Variants in MYRF observed in about 807,000 individuals in gnomAD.
MYRF encodes myelin regulatory factor.
A neutral mutation model predicts 126.3 loss-of-function variants in MYRF; 16 were observed. The observed-to-expected ratio is 0.13, with a 90% confidence interval of 0.09 to 0.19. The LOEUF (loss-of-function observed/expected upper bound fraction) is 0.19, where lower values mean the gene tolerates loss of function less well. Among genes scored for constraint, MYRF ranks in the 10% least tolerant of loss-of-function variants. MYRF has a pLI of 1.00. For synonymous variants in MYRF, 608 were observed against 635.3 expected (o/e 0.96, Z 0.65); for missense variants, 1,104 against 1,547.0 (o/e 0.71, Z 4.80).
chr11:61,784,285 C>T lies in MYRF; in HGVS notation c.3200C>T (p.Ser1067Phe). The T allele has an allele frequency of 1.2e-6, 2 of 1,613,820 alleles. No homozygotes were observed. The highest frequency in any genetic ancestry group is 1.7e-6 in the Non-Finnish European group (2 of 1,179,942). The change falls in exon 25 of 27, where the codon TCC (serine) becomes TTC (phenylalanine). Residue 1067 changes from serine (S) to phenylalanine (F), a missense_variant. Ser to Phe is a radical substitution (Grantham distance 155). Transcript: ENST00000278836. ...CTAACTGGGCCTGTCTACAGCTCCT[C>T]CTCCCCCGTGTCTGTGGTGCTGTGC... Reference protein sequence around the residue: ...HLSLTLQMNSSSPVSVVLCSL... With the variant: ...HLSLTLQMNSFSPVSVVLCSL...
intron 7 of MYRF, 54 bp downstream of exon 7, chr11:61,772,006 C>T (rs2066237961): frequency 1.9e-6 from 3 of 1,604,998 alleles, no homozygotes; most frequent in Non-Finnish European, 2.6e-6. Flanking sequence ...CTTGGGACGC[C>T]CCAGCCCAGG....
chr11:61,763,979 G>A (rs2065975654), intron 1 of MYRF, among the ~76,000 whole-genome samples: 1 of 152,260 alleles, frequency 6.6e-6, no homozygotes, highest in Non-Finnish European at 1.5e-5. Flanking sequence ...ACAGCAGGGT[G>A]GGGCTTGAGC....
rs1473872983 is a variant in MYRF, at chr11:61,757,235, G to A, written c.46+4445G>A. 2.2e-6 allele frequency: 1 copy of A among 456,694 alleles called. No homozygotes were observed. The highest frequency in any genetic ancestry group is 2.0e-5 in the African/African-American group (1 of 50,020). 28.3% of individuals were successfully genotyped at this position (456,694 alleles called of 1,614,324 possible). On this transcript the variant is annotated intron_variant, in intron 1 of 26. Coordinates refer to ENST00000278836, the MANE Select transcript of MYRF (RefSeq NM_001127392.3). The surrounding 1 kb of genome is among the most constrained non-coding windows in gnomAD (Gnocchi z 4.7). ...GTGGGTACCTCTTGGTTGGGTCTCGGGGTAGGATGATGTAATGGTTCTGTG... is the reference window on the plus strand; with the variant it reads ...GTGGGTACCTCTTGGTTGGGTCTCGAGGTAGGATGATGTAATGGTTCTGTG...
intron 1 of MYRF, chr11:61,755,572 C>A (rs1380490394): frequency 1.7e-6 from 2 of 1,181,306 alleles, no homozygotes; most frequent in African/African-American, 1.5e-5. Context: ...AGTGGGGTGA[C>A]CGTCTGTGCC....
rs968252693 is a variant in MYRF at position 61,779,940 on chromosome 11, C to T, written c.2336+10C>T. 1.2e-6 allele frequency: 2 copies of T among 1,611,424 alleles called. No individual in the cohort carries two copies. Among genetic ancestry groups the T allele is most frequent in the Admixed American group, 3.3e-5 (2 of 59,798 alleles). On this transcript the variant is annotated intron_variant, in intron 17 of 26. Transcript: ENST00000278836. ...TGGTCATGGCCTTCAGGTGACTTGT[C>T]CCCTGGGCTCTCATGGTGGCTGACT... is the stretch of plus-strand genomic sequence containing the variant.
At chr11:61,780,844 GCCTCCCTCC>G in intron 19 of MYRF, 52 bp downstream of exon 19, 1 of 1,561,560 alleles carries the variant, frequency 6.4e-7, no homozygotes, top group Non-Finnish European at 8.6e-7. Context: ...CCCTCTTCCT[GCCTCCCTCC>G]CCTCCCTCTC....
Position 61,769,235 on chromosome 11 carries a change from C to T in MYRF, c.399-25C>T, listed in dbSNP as rs373039511. On this transcript the variant is annotated intron_variant, in intron 3 of 26. Coordinates refer to ENST00000278836, the MANE Select transcript of MYRF (RefSeq NM_001127392.3). ...GGCAGAAGCTCAGCTGCTCACCCCC[C>T]GGCCCCTTCCCCTGGCTCTCGCAGC... 486 of 1,514,444 alleles carry T rather than the reference C, an allele frequency of 3.2e-4. 2 individuals carry two copies. The Middle Eastern group carries it at 5.4e-3, about 17-fold the overall frequency. 93.8% of individuals were successfully genotyped at this position (1,514,444 alleles called of 1,614,324 possible).
At chr11:61,780,034 G>T in intron 17 of MYRF, 104 bp downstream of exon 17, 1 of 1,261,350 alleles carries the variant, frequency 7.9e-7, no homozygotes. Context: ...GGAGGATGTA[G>T]CTTGGGAGAT....
intron 1 of MYRF, among the ~76,000 whole-genome samples, chr11:61,758,916 G>A (rs965506901): frequency 3.3e-5 from 5 of 152,236 alleles, no homozygotes; most frequent in South Asian, 2.1e-4. Flanking sequence ...GCTGGTGTGC[G>A]CATGTGTGTG....
In MYRF at chr11:61,785,474, T is replaced by C. The variant is rs571932914; in HGVS notation, c.3301-326T>C. On this transcript the variant is annotated intron_variant, in intron 25 of 26. Transcript: ENST00000278836. ...CTAGTAGCAGCACTGTGTCACTGGA[T>C]TGTACTGAGGATGGGGCTAATGAAA... is the stretch of plus-strand genomic sequence containing the variant. The C allele has an allele frequency of 1.6e-4, 52 of 320,674 alleles. No homozygotes were observed. The South Asian group carries it at 2.6e-3, about 16-fold the overall frequency. 19.9% of individuals were successfully genotyped at this position (320,674 alleles called of 1,614,324 possible).
rs954975828 is a variant in MYRF at position 61,778,287 on chromosome 11, C to T, written c.1904-93C>T. 2.3e-6 allele frequency: 2 copies of T among 862,776 alleles called. No individual in the cohort carries two copies. The highest frequency in any genetic ancestry group is 4.0e-6 in the Non-Finnish European group (2 of 506,060). 53.4% of individuals were successfully genotyped at this position (862,776 alleles called of 1,614,324 possible). On this transcript the variant is annotated intron_variant, in intron 13 of 26. Transcript: ENST00000278836. This position sits in a 1 kb window ranked among gnomAD's most constrained non-coding sequence, Gnocchi z 4.6. ...CAAATCTCTGGGTTCCAGAACTTCACCCTCTCCAGTCTTGCTCCCACTGTA... is the reference window on the plus strand; with the variant it reads ...CAAATCTCTGGGTTCCAGAACTTCATCCTCTCCAGTCTTGCTCCCACTGTA...
At chr11:61,785,947 G>C (rs1591137265) in intron 26 of MYRF, 73 bp downstream of exon 26, 2 of 1,570,764 alleles carry the variant, frequency 1.3e-6, no homozygotes, top group Non-Finnish European at 1.8e-6. Flanking sequence ...GAGGAATGGG[G>C]GGTTTGCACA....
At chr11:61,765,872 C>G in intron 2 of MYRF, 86 bp from the exon 3 acceptor site, 1 of 1,457,168 alleles carries the variant, frequency 6.9e-7, no homozygotes, top group Non-Finnish European at 9.1e-7. Flanking sequence ...TCCGAAATCT[C>G]CATAGTTCCC....
At position 61,779,386 on chromosome 11, in the gene MYRF, G is replaced by A. The variant is rs759242317; in HGVS notation, c.2137G>A (p.Asp713Asn). ...CAAGCTGGCCAAGCTGCGGCGGCTC[G>A]ACAGCCTCAAGTCCACCGGCAGCTC... ...SHKLAKLRRL[D>N]SLKSTGSSGA... The change falls in exon 15 of 27, where the codon GAC (aspartate) becomes AAC (asparagine). Residue 713 changes from aspartate to asparagine, a missense_variant. Asp to Asn is a conservative substitution (Grantham distance 23, BLOSUM62 1). Transcript: ENST00000278836. The A allele has an allele frequency of 3.9e-6, 6 of 1,551,056 alleles. No homozygotes were observed. In the African/African-American group the frequency reaches 4.1e-5, roughly 11 times the overall value.
rs919716175 is a variant in MYRF, at chr11:61,757,832, C to T, written c.46+5042C>T. 2.0e-5 allele frequency among the ~76,000 whole-genome samples: 3 copies of T among 152,070 alleles called. No individual in the cohort carries two copies. The highest frequency in any genetic ancestry group is 4.8e-5 in the African/African-American group (2 of 41,390). On this transcript the variant is annotated intron_variant, in intron 1 of 26. Transcript: ENST00000278836. The surrounding 1 kb of genome is among the most constrained non-coding windows in gnomAD (Gnocchi z 4.7). ...GGGACTGTGAGGCAGGACAGGAAGGCGATGATGTGTCAGGCTCCCTCAAGG... is the reference window on the plus strand; with the variant it reads ...GGGACTGTGAGGCAGGACAGGAAGGTGATGATGTGTCAGGCTCCCTCAAGG...
chr11:61,755,515 G>A, intron 1 of MYRF: 1 of 1,560,952 alleles, frequency 6.4e-7, no homozygotes, highest in Non-Finnish European at 8.8e-7. Context: ...CAGTGTCTGA[G>A]AATCCTGCCA....
At position 61,778,267 on chromosome 11, in the gene MYRF, C is replaced by T. The variant is rs1285497553; in HGVS notation, c.1904-113C>T. On this transcript the variant is annotated intron_variant, in intron 13 of 26. Transcript: ENST00000278836. The surrounding 1 kb of genome is among the most constrained non-coding windows in gnomAD (Gnocchi z 4.6). ...CTCCAGGGCTCCTTGGAATCCAAAT[C>T]TCTGGGTTCCAGAACTTCACCCTCT... is the stretch of plus-strand genomic sequence containing the variant. The T allele has an allele frequency of 5.3e-6, 4 of 760,302 alleles. No homozygotes were observed. The highest frequency in any genetic ancestry group is 1.5e-5 in the South Asian group (1 of 65,968). 47.1% of individuals were successfully genotyped at this position (760,302 alleles called of 1,614,324 possible).
intron 1 of MYRF, among the ~76,000 whole-genome samples, chr11:61,756,628 T>G (rs7940913): frequency 4.9e-5 from 4 of 82,268 alleles, no homozygotes; most frequent in African/African-American, 1.5e-4. Context: ...GGGTGGGGGG[T>G]GGGCAGGAAG....
chr11:61,761,946 C>T (rs1473867023), intron 1 of MYRF, among the ~76,000 whole-genome samples: 1 of 152,230 alleles, frequency 6.6e-6, no homozygotes, highest in Non-Finnish European at 1.5e-5. Flanking sequence ...GACAGACACT[C>T]ATCCTGCCCA....
Sources: allele counts gnomAD v4.1 joint callset (sites outside exome capture counted in the v4.1 genomes callset), GRCh38; gene constraint gnomAD v4.1.1; non-coding constraint Gnocchi (gnomAD v3.1); transcripts MANE v1.5; gene names NCBI Gene and HGNC (gene_info 2026-07-23, HGNC 2026-07-21).